Variants in CSMD1 observed in about 807,000 individuals in gnomAD.
CSMD1 encodes CUB and sushi domain-containing protein 1.
Under a neutral mutation model 417.5 loss-of-function variants are expected in CSMD1, and 213 were observed. The ratio of observed to expected loss-of-function variants is 0.51; its 90% CI spans 0.46 to 0.57. The LOEUF (loss-of-function observed/expected upper bound fraction) is 0.57, where lower values mean the gene tolerates loss of function less well. Among genes scored for constraint, CSMD1 ranks in the 20% least tolerant of loss-of-function variants. CSMD1 has a pLI of 0.00. For synonymous variants in CSMD1, 2,862 were observed against 1,736.8 expected (o/e 1.65, Z -16.11); for missense variants, 6,923 against 4,529.7 (o/e 1.53, Z -15.17).
At chr8:4,626,083 G>C (rs965660875) in intron 2 of CSMD1, among the ~76,000 whole-genome samples, 5 of 152,128 alleles carry the variant, frequency 3.3e-5, no homozygotes, top group African/African-American at 4.8e-5. Context: ...ATTACAATTG[G>C]AGAAAAACTG....
intron 3 of CSMD1, among the ~76,000 whole-genome samples, chr8:4,197,383 G>GT (rs751280662): frequency 6.6e-6 from 1 of 152,188 alleles, no homozygotes; most frequent in Non-Finnish European, 1.5e-5. Flanking sequence ...CTGTGGTGGT[G>GT]TTTTTACATA....
intron 1 of CSMD1, among the ~76,000 whole-genome samples, chr8:4,649,950 G>C (rs867851524): frequency 6.6e-6 from 1 of 152,198 alleles, no homozygotes; most frequent in Admixed American, 6.5e-5. Flanking sequence ...ACTCCACAGA[G>C]TGTCGTTCAC....
chr8:4,930,041 G>A lies in CSMD1; in HGVS notation c.85+64291C>T, dbSNP rs79927323. Among the ~76,000 whole-genome samples, 6 of 152,230 alleles carry A rather than the reference G, an allele frequency of 3.9e-5. No individual in the cohort carries two copies. In the East Asian group the frequency reaches 5.8e-4, roughly 15 times the overall value. On this transcript the variant is annotated intron_variant, in intron 1 of 69. Coordinates refer to ENST00000635120, the MANE Select transcript of CSMD1 (RefSeq NM_033225.6). The stretch of plus-strand genomic sequence containing the variant: ...AATGAAGAAAGGAACAGGGGTGCAC[G>A]GTGCAGAAGCAAACCCCACAGGGCC...
intron 3 of CSMD1, among the ~76,000 whole-genome samples, chr8:4,127,834 T>C (rs1201167250): frequency 3.3e-5 from 5 of 152,208 alleles, no homozygotes; most frequent in South Asian, 4.1e-4. Context: ...ATTCTTATTA[T>C]TATTGTTACT....
At chr8:3,778,184 G>T (rs1424697916) in intron 5 of CSMD1, among the ~76,000 whole-genome samples, 2 of 152,238 alleles carry the variant, frequency 1.3e-5, no homozygotes, top group Admixed American at 1.3e-4. Context: ...TCAGCAGGGG[G>T]CAGGGACGGG....
intron 18 of CSMD1, among the ~76,000 whole-genome samples, chr8:3,387,288 A>G (rs915222562): frequency 9.2e-5 from 14 of 152,212 alleles, no homozygotes; most frequent in Non-Finnish European, 1.9e-4. Flanking sequence ...AAGTTGAAGG[A>G]CAGTTGTTCT....
chr8:3,257,976 C>T (rs1800783585), intron 26 of CSMD1, among the ~76,000 whole-genome samples: 1 of 152,094 alleles, frequency 6.6e-6, no homozygotes, highest in Non-Finnish European at 1.5e-5. Context: ...GCCGTGAGAC[C>T]AGGTGGAAGG....
At chr8:3,396,692 G>C (rs919573839) in intron 16 of CSMD1, among the ~76,000 whole-genome samples, 1 of 151,898 alleles carries the variant, frequency 6.6e-6, no homozygotes, top group African/African-American at 2.4e-5. Flanking sequence ...ATGATAGATT[G>C]ATAGATAGAT....
At chr8:3,072,760 G>C (rs1813404045) in intron 49 of CSMD1, among the ~76,000 whole-genome samples, 1 of 152,156 alleles carries the variant, frequency 6.6e-6, no homozygotes, top group South Asian at 2.1e-4. Flanking sequence ...TTCCATTTCA[G>C]TGCATAGCAT....
chr8:4,715,216 G>C (rs1584986652), intron 1 of CSMD1, among the ~76,000 whole-genome samples: 3 of 152,142 alleles, frequency 2.0e-5, no homozygotes, highest in East Asian at 3.8e-4. Context: ...AAGAATGTCT[G>C]AGTGTTTTTA....
chr8:2,987,019 C>T (rs987290472), intron 54 of CSMD1, among the ~76,000 whole-genome samples: 3 of 152,066 alleles, frequency 2.0e-5, no homozygotes, highest in South Asian at 2.1e-4. Context: ...CTTGCAAGTA[C>T]ATTCCCTCTT....
At chr8:3,604,547 G>T (rs896172677) in intron 8 of CSMD1, among the ~76,000 whole-genome samples, 2 of 152,134 alleles carry the variant, frequency 1.3e-5, no homozygotes, top group African/African-American at 2.4e-5. Flanking sequence ...AGATATCAGT[G>T]TATGCATCTG....
chr8:3,801,386 A>C (rs896097018), intron 5 of CSMD1, among the ~76,000 whole-genome samples: 33 of 152,176 alleles, frequency 2.2e-4, no homozygotes, highest in African/African-American at 6.3e-4. Flanking sequence ...TCATTTAAGA[A>C]ATTAAATTTA....
intron 1 of CSMD1, among the ~76,000 whole-genome samples, chr8:4,882,020 T>C (rs1397474869): frequency 1.3e-5 from 2 of 152,082 alleles, no homozygotes; most frequent in African/African-American, 2.4e-5. Flanking sequence ...CAACACTTAT[T>C]TGCAATCCTG....
intron 7 of CSMD1, among the ~76,000 whole-genome samples, chr8:3,629,910 A>C (rs1796692261): frequency 6.6e-6 from 1 of 152,220 alleles, no homozygotes; most frequent in African/African-American, 2.4e-5. Flanking sequence ...AGTAGATTCA[A>C]AATTTTCTTG....
At chr8:4,632,775 G>A (rs1054550513) in intron 2 of CSMD1, among the ~76,000 whole-genome samples, 2 of 152,272 alleles carry the variant, frequency 1.3e-5, no homozygotes, top group South Asian at 2.1e-4. Context: ...TGTTTGGAAT[G>A]CCTAGGGAAG....
At chr8:3,294,111 G>T (rs1465311592) in intron 25 of CSMD1, among the ~76,000 whole-genome samples, 1 of 152,134 alleles carries the variant, frequency 6.6e-6, no homozygotes, top group African/African-American at 2.4e-5. Context: ...TGTTTGCCTG[G>T]GTATCAGCAG....
chr8:3,778,341 T>C (rs1799003708), intron 5 of CSMD1, among the ~76,000 whole-genome samples: 1 of 152,212 alleles, frequency 6.6e-6, no homozygotes, highest in Non-Finnish European at 1.5e-5. Context: ...GGGAAACCTG[T>C]GTAATCACCA....
At chr8:3,536,860 A>C (rs1798222103) in intron 10 of CSMD1, among the ~76,000 whole-genome samples, 1 of 152,328 alleles carries the variant, frequency 6.6e-6, no homozygotes, top group East Asian at 1.9e-4. Flanking sequence ...TCTGTGGCTC[A>C]GATAAGAATC....
Sources: gnomAD v4.1 joint callset for allele counts (sites outside exome capture counted in the v4.1 genomes callset) on GRCh38, gnomAD v4.1.1 for gene constraint, MANE v1.5 for transcripts, NCBI Gene and HGNC (gene_info 2026-07-23, HGNC 2026-07-21) for gene names.